CHD4: variants seen among roughly 807,000 people sequenced by gnomAD.
The protein encoded by CHD4 is ATP-dependent chromatin remodeler CHD4.
CHD4 carries 35 observed loss-of-function variants against 235.5 expected under a neutral mutation model. The ratio of observed to expected loss-of-function variants is 0.15; its 90% CI spans 0.11 to 0.20. The LOEUF (loss-of-function observed/expected upper bound fraction) is 0.20, where lower values mean the gene tolerates loss of function less well. Among genes scored for constraint, CHD4 ranks in the 10% least tolerant of loss-of-function variants. CHD4 has a pLI of 1.00. For missense variants in CHD4, 1,329 were observed against 2,432.3 expected (o/e 0.55, Z 9.54); for synonymous variants, 900 against 850.2 (o/e 1.06, Z -1.02).
Position 6,596,134 on chromosome 12 carries a change from C to T in CHD4, c.1896G>A (p.Val632=). The change falls in exon 13 of 40, where the codon GTG becomes GTA. Residue 632 remains valine, a synonymous_variant. Coordinates refer to ENST00000544040, the MANE Select transcript of CHD4 (RefSeq NM_001273.5). ...MMIHRILNHS[V]DKKGHVHYLI... ...AGTAGTGGACGTGGCCCTTCTTGTC[C>T]ACACTGCAAGTCCAGGAGAGAAAAC... 1.2e-6 allele frequency: 2 copies of T among 1,613,370 alleles called. No homozygotes were observed. Among genetic ancestry groups the T allele is most frequent in the Non-Finnish European group, 1.7e-6 (2 of 1,179,750 alleles).
At chr12:6,597,176 T>C (rs1204158356) in intron 12 of CHD4, among the ~76,000 whole-genome samples, 1 of 149,022 alleles carries the variant, frequency 6.7e-6, no homozygotes, top group Admixed American at 6.7e-5. Context: ...CTCGGGAGGC[T>C]GAGGCAGGAA....
chr12:6,578,642 T>TAC (rs1948115238), intron 34 of CHD4, 96 bp from the exon 35 acceptor site: 5 of 1,567,566 alleles, frequency 3.2e-6, no homozygotes, highest in Non-Finnish European at 3.5e-6. Flanking sequence ...TCCATCCACC[T>TAC]ACACCCCTTC....
At position 6,592,512 on chromosome 12, in the gene CHD4, T is replaced by A. The variant is rs775542136; in HGVS notation, c.2829A>T (p.Ile943=). 5.0e-6 allele frequency: 8 copies of A among 1,610,502 alleles called. No homozygotes were observed. Among genetic ancestry groups the A allele is most frequent in the African/African-American group, 1.3e-5 (1 of 74,874 alleles). ...GCCCCAGCATGTCATGCAGTTTTTT[T>A]ATCTGGTCCTCCTTGGCAATGTCAG... ...EFADIAKEDQ[I]KKLHDMLGPH... The change falls in exon 19 of 40, where the codon ATA becomes ATT. Residue 943 remains isoleucine, a synonymous_variant. Coordinates refer to ENST00000544040, the MANE Select transcript of CHD4 (RefSeq NM_001273.5).
At chr12:6,603,024 G>A (rs1948626710) in intron 2 of CHD4, 2 of 152,588 alleles carry the variant, frequency 1.3e-5, no homozygotes, top group African/African-American at 2.4e-5. Flanking sequence ...GAACCTCCAA[G>A]TCCTAGGTTC....
chr12:6,603,648 A>G (rs1321999000), intron 2 of CHD4, among the ~76,000 whole-genome samples: 1 of 152,154 alleles, frequency 6.6e-6, no homozygotes, highest in African/African-American at 2.4e-5. Flanking sequence ...GGATGACAAC[A>G]GTTCACAAGA....
chr12:6,572,874 T>TAA, intron 38 of CHD4, 200 bp downstream of exon 38: 2 of 489,864 alleles, frequency 4.1e-6, no homozygotes, highest in Admixed American at 4.6e-5. Flanking sequence ...GTCCATCTCT[T>TAA]TAAAAAAAAA....
intron 17 of CHD4, 105 bp downstream of exon 17, chr12:6,592,986 C>A (rs1948426962): frequency 1.3e-6 from 2 of 1,538,896 alleles, no homozygotes; most frequent in Non-Finnish European, 1.8e-6. Flanking sequence ...AAGGCAGAGA[C>A]AATTTTCCCC....
At position 6,593,591 on chromosome 12, in the gene CHD4, A is replaced by G; in HGVS notation, c.2339T>C (p.Val780Ala). The stretch of plus-strand genomic sequence containing the variant: ...GATGATGGTAGAAAGAGGGGCGCTC[A>G]CTAGGAAGGGGCCTTTGGAATGACC... ...KEGHSKGPFLVSAPLSTIINW... is the reference protein window; with the variant it reads ...KEGHSKGPFLASAPLSTIINW... Residue 780 changes from valine to alanine, a missense_variant, in exon 16 of 40, where the codon GTG becomes GCG. Physicochemically the swap from Val to Ala is moderately conservative, Grantham distance 64. This residue lies in a region of CHD4 where 78 missense variants were observed against 174.8 expected (regional missense o/e 0.45). Transcript: ENST00000544040. The surrounding 1 kb of genome is among the most constrained non-coding windows in gnomAD (Gnocchi z 4.9). 1 of 1,614,198 alleles carries G rather than the reference A, an allele frequency of 6.2e-7. No homozygotes were observed. The highest frequency in any genetic ancestry group is 8.5e-7 in the Non-Finnish European group (1 of 1,180,042).
intron 22 of CHD4, among the ~76,000 whole-genome samples, chr12:6,589,540 G>A (rs992477849): frequency 1.2e-4 from 18 of 151,970 alleles, no homozygotes; most frequent in Admixed American, 8.5e-4. Context: ...AAGCTGAGGC[G>A]GGTGGTTCAC....
chr12:6,581,314 T>G lies in CHD4; in HGVS notation c.4756A>C (p.Thr1586Pro). The part of the protein sequence containing the change: ...SIEGEKEVKS[T>P]APETAIECTQ... The stretch of plus-strand genomic sequence containing the variant: ...ACCTCAATGGCAGTCTCAGGGGCTG[T>G]AGATTTAACCTCCTTTTCTCCTTCT... The change falls in exon 32 of 40, where the codon ACA becomes CCA. Residue 1586 changes from threonine (T) to proline (P), a missense_variant. Coordinates refer to ENST00000544040, the MANE Select transcript of CHD4 (RefSeq NM_001273.5). The G allele has an allele frequency of 6.2e-7, 1 of 1,614,198 alleles. No homozygotes were observed. Among genetic ancestry groups the G allele is most frequent in the South Asian group, 1.1e-5 (1 of 91,084 alleles).
rs1279632350 is a variant in CHD4 at position 6,600,623 on chromosome 12, C to G, written c.974G>C (p.Ser325Thr). 1 of 1,613,954 alleles carries G rather than the reference C, an allele frequency of 6.2e-7. No individual in the cohort carries two copies. The highest frequency in any genetic ancestry group is 8.5e-7 in the Non-Finnish European group (1 of 1,180,014). ...LDVESDFDDASINSYSVSDGS... is the reference protein window; with the variant it reads ...LDVESDFDDATINSYSVSDGS... ...ATCAGAAACAGAATAGCTATTGATA[C>G]TGGCATCATCGAAGTCAGATTCCAC... Residue 325 changes from serine to threonine, a missense_variant, in exon 8 of 40, where the codon AGT becomes ACT. Ser to Thr is a moderately conservative substitution (Grantham distance 58). This residue lies in a region of CHD4 where 160 missense variants were observed against 196.6 expected (regional missense o/e 0.81). Coordinates refer to ENST00000544040, the MANE Select transcript of CHD4 (RefSeq NM_001273.5).
At chr12:6,595,186 G>T in intron 14 of CHD4, 148 bp downstream of exon 14, 1 of 596,082 alleles carries the variant, frequency 1.7e-6, no homozygotes, top group Non-Finnish European at 3.0e-6. Flanking sequence ...ATATAGAGAT[G>T]TGGAGAAGTG....
chr12:6,601,570 G>C, intron 5 of CHD4, 40 bp from the exon 6 acceptor site: 1 of 1,612,752 alleles, frequency 6.2e-7, no homozygotes, highest in Non-Finnish European at 8.5e-7. Flanking sequence ...AAAGGTTTAA[G>C]AATAAAAAAA....
intron 1 of CHD4, 155 bp from the exon 2 acceptor site, chr12:6,606,606 AGCCCGGAAGCCGGCT>A (rs1948705449): frequency 2.5e-6 from 1 of 404,582 alleles, no homozygotes; most frequent in African/African-American, 2.1e-5. Context: ...CCTCGGGGGC[AGCCCGGAAGCCGGCT>A]CCCCGGCAGG....
At chr12:6,571,341 A>G (rs746279263) in intron 38 of CHD4, 38 of 303,502 alleles carry the variant, frequency 1.3e-4, no homozygotes, top group Non-Finnish European at 5.5e-5. Flanking sequence ...CACCTCCATT[A>G]TAACAGCATT....
chr12:6,604,825 G>A (rs1222192921), intron 2 of CHD4, among the ~76,000 whole-genome samples: 1 of 152,156 alleles, frequency 6.6e-6, no homozygotes, highest in Non-Finnish European at 1.5e-5. Context: ...CAGCTCCTGC[G>A]CAGCTCCCGG....
At chr12:6,584,609 C>T (rs1948249599) in intron 25 of CHD4, 2 of 152,200 alleles carry the variant, frequency 1.3e-5, no homozygotes, top group Admixed American at 6.5e-5. Context: ...GTCTCCAACT[C>T]CTGGGCTCAA....
chr12:6,574,886 CCCCA>C lies in CHD4; in HGVS notation c.5362-1621_5362-1618del, dbSNP rs1483481324. Among the ~76,000 whole-genome samples the C allele has an allele frequency of 2.6e-5, 4 of 152,314 alleles. No individual in the cohort carries two copies. In the East Asian group the frequency reaches 7.7e-4, roughly 29 times the overall value. On this transcript the variant is annotated intron_variant, in intron 37 of 39. Transcript: ENST00000544040. ...AGCTACAGCCTGTGGGCCAGATCTG[CCCCA>C]CCACCTGTTTTTATATGGCTCAAGA...
At chr12:6,601,626 C>T in intron 5 of CHD4, 22 bp downstream of exon 5, 1 of 1,613,498 alleles carries the variant, frequency 6.2e-7, no homozygotes, top group Non-Finnish European at 8.5e-7. Flanking sequence ...CCTCCCCCTT[C>T]CCCAAACCCC....
Sources: allele counts gnomAD v4.1 joint callset (sites outside exome capture counted in the v4.1 genomes callset), GRCh38; gene constraint gnomAD v4.1.1; regional missense constraint gnomAD v4.1.1; non-coding constraint Gnocchi (gnomAD v3.1); transcripts MANE v1.5; gene names NCBI Gene and HGNC (gene_info 2026-07-23, HGNC 2026-07-21).